Variants in RPH3A observed in about 807,000 individuals in gnomAD.
RPH3A encodes rabphilin 3A.
In RPH3A, 48 loss-of-function variants were observed where a neutral mutation model predicts 102.2. The observed-to-expected ratio is 0.47, with a 90% CI of 0.37 to 0.60. The LOEUF (loss-of-function observed/expected upper bound fraction) is 0.60, where lower values mean the gene tolerates loss of function less well. Ranked by LOEUF, RPH3A falls within the 20% of genes least tolerant of loss-of-function variation. RPH3A has a pLI of 0.00. For missense variants in RPH3A, 781 were observed against 910.1 expected, an observed-to-expected ratio of 0.86 and a Z score of 1.83; for synonymous variants, 310 against 324.3, an observed-to-expected ratio of 0.96 and a Z score of 0.47.
At chr12:112,743,910 G>T (rs2040726649) in intron 1 of RPH3A, among the ~76,000 whole-genome samples, 1 of 152,108 alleles carries the variant, frequency 6.6e-6, no homozygotes, top group Admixed American at 6.5e-5. Context: ...CTTTATAATT[G>T]TGTACACACA....
chr12:112,825,657 A>T (rs945181885), intron 2 of RPH3A, among the ~76,000 whole-genome samples: 1 of 151,938 alleles, frequency 6.6e-6, no homozygotes, highest in African/African-American at 2.4e-5. Flanking sequence ...CATTCAGCAA[A>T]TTTTCATTAC....
chr12:112,890,927 C>T lies in RPH3A; in HGVS notation c.1699C>T (p.Leu567Phe), dbSNP rs775611862. 6.2e-7 allele frequency: 1 copy of T among 1,613,946 alleles called. No homozygotes were observed. Among genetic ancestry groups the T allele is most frequent in the East Asian group, 2.2e-5 (1 of 44,892 alleles). The stretch of plus-strand genomic sequence containing the variant: ...CATGTACAGCACACAGCAGGGAGGC[C>T]TCATTGTGGGCATCATACGCTGCGT... ...SLMYSTQQGG[L>F]IVGIIRCVHL... Residue 567 changes from leucine (L) to phenylalanine (F), a missense_variant, in exon 19 of 22, where the codon CTC becomes TTC. Physicochemically the swap from Leu to Phe is conservative, Grantham distance 22 (BLOSUM62 0). This residue lies in a region of RPH3A where 730 missense variants were observed against 810.0 expected (regional missense o/e 0.90). Coordinates refer to ENST00000389385, the MANE Select transcript of RPH3A (RefSeq NM_001143854.2).
At chr12:112,629,180 G>A (rs2039786173) in intron 1 of RPH3A, among the ~76,000 whole-genome samples, 1 of 152,094 alleles carries the variant, frequency 6.6e-6, no homozygotes, top group African/African-American at 2.4e-5. Flanking sequence ...GATAAAAAAG[G>A]TTGTGAAAAT....
At chr12:112,602,515 G>T (rs973964224) in intron 1 of RPH3A, among the ~76,000 whole-genome samples, 1 of 152,206 alleles carries the variant, frequency 6.6e-6, no homozygotes, top group Non-Finnish European at 1.5e-5. Flanking sequence ...TCTCATCACT[G>T]CAGAAAGGAG....
rs962781687 is a variant in RPH3A, at chr12:112,621,962, C to A, written c.-140+46643C>A. ...AGCAGGGGCACACTGACACCTCACA[C>A]GGCAGGGTATTCCAACAGACCTGCA... On this transcript the variant is annotated intron_variant, in intron 1 of 21. Transcript: ENST00000543106. 6.1e-3 allele frequency among the ~76,000 whole-genome samples: 912 copies of A among 150,432 alleles called. 3 individuals are homozygous for A. The highest frequency in any genetic ancestry group is 8.6e-3 in the Non-Finnish European group (578 of 67,546).
chr12:112,820,739 T>C (rs1356876485), intron 2 of RPH3A, among the ~76,000 whole-genome samples: 1 of 152,176 alleles, frequency 6.6e-6, no homozygotes, highest in East Asian at 1.9e-4. Context: ...GGCAGAGCAG[T>C]GGAGGATGAA....
chr12:112,880,952 G>C (rs1420256882), intron 14 of RPH3A, among the ~76,000 whole-genome samples: 1 of 152,188 alleles, frequency 6.6e-6, no homozygotes, highest in Non-Finnish European at 1.5e-5. Flanking sequence ...TTCATGTTGA[G>C]TAGGCTGAGG....
intron 3 of RPH3A, among the ~76,000 whole-genome samples, chr12:112,830,092 A>T (rs1286453108): frequency 6.6e-6 from 1 of 152,158 alleles, no homozygotes; most frequent in Non-Finnish European, 1.5e-5. Context: ...AGTGTATTCT[A>T]TAACTTTCTA....
At chr12:112,873,459 G>A (rs2042740730) in intron 10 of RPH3A, among the ~76,000 whole-genome samples, 1 of 152,180 alleles carries the variant, frequency 6.6e-6, no homozygotes, top group African/African-American at 2.4e-5. Flanking sequence ...TTGTTCCAGG[G>A]CTTAATCCTG....
intron 5 of RPH3A, among the ~76,000 whole-genome samples, chr12:112,858,266 C>CAAAAAAAAAA (rs1164602599): frequency 3.7e-3 from 165 of 44,726 alleles, no homozygotes; most frequent in Non-Finnish European, 4.6e-3. Context: ...GACCCTGTCT[C>CAAAAAAAAAA]AAAAAAAAAA....
chr12:112,779,550 G>A (rs2040992566), intron 1 of RPH3A, among the ~76,000 whole-genome samples: 1 of 152,170 alleles, frequency 6.6e-6, no homozygotes, highest in South Asian at 2.1e-4. Context: ...TTTTGTAGCT[G>A]TCAGCTTAGT....
intron 1 of RPH3A, among the ~76,000 whole-genome samples, chr12:112,679,957 G>A (rs1445697720): frequency 6.6e-6 from 1 of 152,268 alleles, no homozygotes; most frequent in East Asian, 1.9e-4. Context: ...AGGGCTGTCA[G>A]GGAAACCTGA....
intron 1 of RPH3A, among the ~76,000 whole-genome samples, chr12:112,705,400 A>G (rs1018113217): frequency 4.6e-5 from 7 of 152,210 alleles, no homozygotes; most frequent in African/African-American, 9.6e-5. Flanking sequence ...CTTGCCACCT[A>G]CTCAGAGTAA....
intron 10 of RPH3A, chr12:112,873,871 T>TGC (rs2042747861): frequency 6.6e-6 from 1 of 152,246 alleles, no homozygotes; most frequent in Admixed American, 6.5e-5. Context: ...GACTGGGCTG[T>TGC]GCACTCCTGG....
intron 8 of RPH3A, 78 bp from the exon 9 acceptor site, chr12:112,869,680 CT>C: frequency 7.1e-7 from 1 of 1,406,440 alleles, no homozygotes; most frequent in Non-Finnish European, 1.0e-6. Flanking sequence ...CAATGAACCC[CT>C]TTGTAGGCTT....
intron 1 of RPH3A, among the ~76,000 whole-genome samples, chr12:112,708,045 C>T (rs1272793705): frequency 3.3e-5 from 5 of 152,226 alleles, no homozygotes; most frequent in Admixed American, 2.6e-4. Flanking sequence ...ACCGCATTCT[C>T]ATGCTGACTT....
intron 19 of RPH3A, among the ~76,000 whole-genome samples, chr12:112,892,655 A>T (rs151119209): frequency 7.0e-4 from 107 of 152,194 alleles, no homozygotes; most frequent in African/African-American, 2.4e-3. Context: ...CATCAGTTTT[A>T]CCCCCTGCAA....
intron 1 of RPH3A, among the ~76,000 whole-genome samples, chr12:112,749,058 T>C (rs1208361298): frequency 6.6e-6 from 1 of 152,156 alleles, no homozygotes; most frequent in African/African-American, 2.4e-5. Context: ...ATTTGTTGCC[T>C]ACCTGGAAGC....
intron 2 of RPH3A, among the ~76,000 whole-genome samples, chr12:112,805,555 G>T (rs969822424): frequency 2.6e-5 from 4 of 152,192 alleles, no homozygotes; most frequent in African/African-American, 9.7e-5. Flanking sequence ...GTCAGAAAGG[G>T]CCAGTTAGCT....
Sources: allele counts gnomAD v4.1 joint callset (sites outside exome capture counted in the v4.1 genomes callset), GRCh38; gene constraint gnomAD v4.1.1; regional missense constraint gnomAD v4.1.1; transcripts MANE v1.5; gene names NCBI Gene and HGNC (gene_info 2026-07-23, HGNC 2026-07-21).